Variants in DNAJC5B observed in about 807,000 individuals in gnomAD.
DNAJC5B encodes DnaJ heat shock protein family (Hsp40) member C5 beta.
A neutral mutation model predicts 24.7 loss-of-function variants in DNAJC5B; 23 were observed. That is an observed-to-expected ratio of 0.93 (90% CI 0.67 to 1.32). The LOEUF is 1.32. DNAJC5B is among the 40% of genes most tolerant of loss of function. The pLI is 0.00. For synonymous variants in DNAJC5B, 101 were observed against 90.1 expected, an observed-to-expected ratio of 1.12 and a Z score of -0.68; for missense variants, 238 against 240.8, an observed-to-expected ratio of 0.99 and a Z score of 0.08.
chr8:66,092,978 C>A (rs928940636), intron 5 of DNAJC5B, among the ~76,000 whole-genome samples: 1 of 152,128 alleles, frequency 6.6e-6, no homozygotes, highest in East Asian at 1.9e-4. Context: ...CTCCCCTTCC[C>A]ACTCTAGCAG....
intron 2 of DNAJC5B, among the ~76,000 whole-genome samples, chr8:66,047,823 T>C (rs548529002): frequency 6.6e-6 from 1 of 152,280 alleles, no homozygotes; most frequent in East Asian, 1.9e-4. Context: ...TTGTTGAGCA[T>C]AAAAACCCTG....
At chr8:66,096,099 T>C (rs1162836247) in intron 5 of DNAJC5B, among the ~76,000 whole-genome samples, 2 of 152,196 alleles carry the variant, frequency 1.3e-5, no homozygotes, top group African/African-American at 4.8e-5. Context: ...AAATTTATTC[T>C]CTCACAGTTC....
chr8:66,066,173 A>G (rs1807188070), intron 3 of DNAJC5B, among the ~76,000 whole-genome samples: 1 of 152,242 alleles, frequency 6.6e-6, no homozygotes, highest in Admixed American at 6.5e-5. Flanking sequence ...CTAAAACCAC[A>G]ATGAGGTATC....
At chr8:66,028,677 T>G (rs891173795) in intron 1 of DNAJC5B, among the ~76,000 whole-genome samples, 1 of 151,972 alleles carries the variant, frequency 6.6e-6, no homozygotes, top group African/African-American at 2.4e-5. Flanking sequence ...GCCTAGGGGG[T>G]TGGATCTCCA....
intron 3 of DNAJC5B, among the ~76,000 whole-genome samples, chr8:66,069,163 A>G (rs1807290526): frequency 6.6e-6 from 1 of 152,098 alleles, no homozygotes; most frequent in Admixed American, 6.6e-5. Flanking sequence ...AAGGGAAAAG[A>G]AATATGAGTA....
chr8:66,066,457 T>G lies in DNAJC5B; in HGVS notation c.120-10203T>G, dbSNP rs191046922. On this transcript the variant is annotated intron_variant, in intron 3 of 5. Coordinates refer to ENST00000276570, the MANE Select transcript of DNAJC5B (RefSeq NM_033105.6). ...GTACTTATTGCAGCACAATTCATGA[T>G]TGCAAAGATACAGAAGCAACCTAAG... Among the ~76,000 whole-genome samples, 432 of 152,296 alleles carry G rather than the reference T, an allele frequency of 2.8e-3. 1 individual carries two copies. The highest frequency in any genetic ancestry group is 6.8e-3 in the Middle Eastern group (2 of 294).
intron 4 of DNAJC5B, 121 bp from the exon 5 acceptor site, chr8:66,080,256 G>T: frequency 7.2e-7 from 1 of 1,390,738 alleles, no homozygotes; most frequent in Non-Finnish European, 9.7e-7. Flanking sequence ...GATGTGGCCT[G>T]TGGGGTGAAC....
rs77588977 is a variant in DNAJC5B at position 66,054,704 on chromosome 8, A to G, written c.119+3038A>G. 8.6e-3 allele frequency among the ~76,000 whole-genome samples: 1,313 copies of G among 152,326 alleles called. 24 individuals carry two copies. The highest frequency in any genetic ancestry group is 0.072 in the East Asian group (375 of 5,190). On this transcript the variant is annotated intron_variant, in intron 3 of 5. Coordinates refer to ENST00000276570, the MANE Select transcript of DNAJC5B (RefSeq NM_033105.6). Reference sequence around the variant, plus strand: ...TAGAGTCTGATAAAACTCAATATCAATCTTCTAGTTTATATTTCCCTTAAG... The same window carrying G: ...TAGAGTCTGATAAAACTCAATATCAGTCTTCTAGTTTATATTTCCCTTAAG...
chr8:66,076,566 T>C (rs1414259609), intron 3 of DNAJC5B, 94 bp from the exon 4 acceptor site: 2 of 1,320,976 alleles, frequency 1.5e-6, no homozygotes, highest in East Asian at 2.3e-5. Context: ...TTTGCGCTAA[T>C]AAAGAATATA....
intron 5 of DNAJC5B, among the ~76,000 whole-genome samples, chr8:66,084,831 A>T (rs1178007520): frequency 1.3e-5 from 2 of 152,172 alleles, no homozygotes; most frequent in Non-Finnish European, 2.9e-5. Context: ...AATCATATTT[A>T]TCAGTTGTTT....
At chr8:66,064,849 C>T (rs1169541388) in intron 3 of DNAJC5B, among the ~76,000 whole-genome samples, 1 of 152,168 alleles carries the variant, frequency 6.6e-6, no homozygotes, top group Non-Finnish European at 1.5e-5. Context: ...ATTTTATCTA[C>T]TGTGTTTGCA....
Position 66,073,696 on chromosome 8 carries a change from G to A in DNAJC5B, c.120-2964G>A, listed in dbSNP as rs551644784. Among the ~76,000 whole-genome samples the A allele has an allele frequency of 4.6e-5, 7 of 152,278 alleles. No individual in the cohort carries two copies. In the South Asian group the frequency reaches 1.5e-3, roughly 32 times the overall value. ...CCAGAAATAACCAAATTGACCAATG[G>A]AGCAGAATAGAGATCCCAGAAATCC... On this transcript the variant is annotated intron_variant, in intron 3 of 5. Coordinates refer to ENST00000276570, the MANE Select transcript of DNAJC5B (RefSeq NM_033105.6).
chr8:66,098,983 G>A (rs1290459384), intron 5 of DNAJC5B, among the ~76,000 whole-genome samples: 1 of 149,180 alleles, frequency 6.7e-6, no homozygotes, highest in Non-Finnish European at 1.5e-5. Context: ...CTGTCTCTCT[G>A]TCTGTCTCTC....
At chr8:66,082,786 T>A (rs1441474204) in intron 5 of DNAJC5B, among the ~76,000 whole-genome samples, 1 of 152,012 alleles carries the variant, frequency 6.6e-6, no homozygotes, top group Non-Finnish European at 1.5e-5. Context: ...AAAGTGAATA[T>A]ATATTTAGAA....
chr8:66,093,248 GTA>G (rs1295143023), intron 5 of DNAJC5B, among the ~76,000 whole-genome samples: 1 of 152,084 alleles, frequency 6.6e-6, no homozygotes, highest in African/African-American at 2.4e-5. Flanking sequence ...GTTTTTCTAG[GTA>G]TATACGGAGG....
At chr8:66,094,348 G>C (rs1262021639) in intron 5 of DNAJC5B, among the ~76,000 whole-genome samples, 1 of 151,826 alleles carries the variant, frequency 6.6e-6, no homozygotes, top group Non-Finnish European at 1.5e-5. Context: ...TTTCACTAAG[G>C]ATGTATTTTC....
intron 2 of DNAJC5B, among the ~76,000 whole-genome samples, chr8:66,045,133 G>T (rs1419423561): frequency 6.6e-6 from 1 of 152,204 alleles, no homozygotes; most frequent in Non-Finnish European, 1.5e-5. Flanking sequence ...GTAGTGTGTT[G>T]TTGCTGCTTG....
Position 66,040,928 on chromosome 8 carries a change from A to C in DNAJC5B, c.-141-2560A>C, listed in dbSNP as rs1166468980. On this transcript the variant is annotated intron_variant, in intron 1 of 5. Transcript: ENST00000276570. Reference sequence around the variant, plus strand: ...TTTTTTTTAACTTTGTAAAATGATAAAACATAATAGGAATTAACCAGTTTG... The same window carrying C: ...TTTTTTTTAACTTTGTAAAATGATACAACATAATAGGAATTAACCAGTTTG... 2.0e-5 allele frequency among the ~76,000 whole-genome samples: 3 copies of C among 152,334 alleles called. No homozygotes were observed. The East Asian group carries it at 5.8e-4, about 29-fold the overall frequency.
chr8:66,073,043 A>T (rs1807383394), intron 3 of DNAJC5B, among the ~76,000 whole-genome samples: 1 of 152,168 alleles, frequency 6.6e-6, no homozygotes, highest in Non-Finnish European at 1.5e-5. Flanking sequence ...AGGCAGTACA[A>T]TAAGGGAAGA....
Sources: gnomAD v4.1 joint callset for allele counts (sites outside exome capture counted in the v4.1 genomes callset) on GRCh38, gnomAD v4.1.1 for gene constraint, MANE v1.5 for transcripts, NCBI Gene and HGNC (gene_info 2026-07-23, HGNC 2026-07-21) for gene names.